CREB5: variants seen among roughly 807,000 people sequenced by gnomAD.
CREB5 encodes the protein cAMP responsive element binding protein 5.
Under a neutral mutation model 57.1 loss-of-function variants are expected in CREB5, and 19 were observed. The observed-to-expected ratio is 0.33, with a 90% CI of 0.23 to 0.49. The LOEUF (loss-of-function observed/expected upper bound fraction) is 0.49, where lower values mean the gene tolerates loss of function less well. Among genes scored for constraint, CREB5 ranks in the 20% least tolerant of loss-of-function variants. CREB5 has a pLI of 0.99. For missense variants in CREB5, 579 were observed against 671.6 expected (o/e 0.86, Z 1.52); for synonymous variants, 238 against 238.3 (o/e 1.00, Z 0.01).
chr7:28,612,615 G>A (rs1477470937), intron 5 of CREB5, among the ~76,000 whole-genome samples: 2 of 149,104 alleles, frequency 1.3e-5, no homozygotes, highest in East Asian at 4.0e-4. Context: ...GCAGACTTGG[G>A]TAATGTAAAA....
In CREB5 at chr7:28,821,403, T is replaced by G. The variant is rs1293617398; in HGVS notation, c.*2124T>G. 1 of 151,488 alleles carries G rather than the reference T, an allele frequency of 6.6e-6. No individual in the cohort carries two copies. The highest frequency in any genetic ancestry group is 2.4e-5 in the African/African-American group (1 of 41,272). The allele number at this position is 151,488 out of a possible 1,614,324, so 9.4% of individuals were successfully genotyped here. A position where few individuals can be genotyped will look rare whatever the true frequency, so the allele number is the denominator to read the frequency against. On this transcript the variant is annotated 3_prime_UTR_variant, in exon 11 of 11. Coordinates refer to ENST00000357727, the MANE Select transcript of CREB5 (RefSeq NM_182898.4). ...GTATGCAGTGCTTTCAAAAGATGGT[T>G]TTGAGTGTCCAGTGAAACTTATGAC...
intron 5 of CREB5, among the ~76,000 whole-genome samples, chr7:28,586,814 C>T (rs886843418): frequency 6.6e-6 from 1 of 152,246 alleles, no homozygotes; most frequent in Admixed American, 6.5e-5. Context: ...AAGAATGGGA[C>T]GTCCCAGCGT....
chr7:28,380,814 C>G lies in CREB5; in HGVS notation c.-25+81373C>G, dbSNP rs1295422912. 4.6e-5 allele frequency among the ~76,000 whole-genome samples: 7 copies of G among 152,274 alleles called. No individual in the cohort carries two copies. The East Asian group carries it at 1.4e-3, about 29-fold the overall frequency. The stretch of plus-strand genomic sequence containing the variant: ...TTGACCTAATGTGTAAACATTTTAC[C>G]TCATGTGTAGAAATAGGGACAATGG... On this transcript the variant is annotated intron_variant, in intron 1 of 9. Coordinates refer to the CREB5 transcript ENST00000396299.
In CREB5 at chr7:28,314,150, C is replaced by T. The variant is rs915989462; in HGVS notation, c.-25+14709C>T. On this transcript the variant is annotated intron_variant, in intron 1 of 9. Coordinates refer to the CREB5 transcript ENST00000396299. The stretch of plus-strand genomic sequence containing the variant: ...GGTATTCACTGCCTTTGAAGTGCAG[C>T]GATCCTGATGTTTCTTGTAGCTATG... Among the ~76,000 whole-genome samples the T allele has an allele frequency of 3.2e-4, 49 of 152,096 alleles. 1 individual carries two copies. Among genetic ancestry groups the T allele is most frequent in the Admixed American group, 2.7e-3 (41 of 15,270 alleles).
intron 1 of CREB5, among the ~76,000 whole-genome samples, chr7:28,407,503 C>T (rs984857724): frequency 6.6e-6 from 1 of 152,192 alleles, no homozygotes; most frequent in African/African-American, 2.4e-5. Flanking sequence ...CTAGAATCTA[C>T]ACTAATAAAT....
intron 4 of CREB5, among the ~76,000 whole-genome samples, chr7:28,560,933 TGTGCGTGCGTGTGTGTGC>T (rs1795194677): frequency 6.1e-5 from 3 of 49,348 alleles, no homozygotes; most frequent in African/African-American, 1.6e-4. Context: ...CGCGTGCGTG[TGTGCGTGCGTGTGTGTGC>T]GTGTGTGTGC....
At chr7:28,594,007 G>A (rs1358618987) in intron 5 of CREB5, among the ~76,000 whole-genome samples, 4 of 152,194 alleles carry the variant, frequency 2.6e-5, no homozygotes, top group Non-Finnish European at 4.4e-5. Flanking sequence ...GTTCCTTCCG[G>A]AGCAGCGGGA....
chr7:28,552,246 C>A (rs2128634394), intron 4 of CREB5, among the ~76,000 whole-genome samples: 1 of 152,296 alleles, frequency 6.6e-6, no homozygotes, highest in East Asian at 1.9e-4. Context: ...CCATGTTGCC[C>A]AGGCAGGTCT....
At chr7:28,317,891 A>G (rs1395609076) in intron 1 of CREB5, among the ~76,000 whole-genome samples, 1 of 152,232 alleles carries the variant, frequency 6.6e-6, no homozygotes, top group Non-Finnish European at 1.5e-5. Flanking sequence ...TGTACCATAG[A>G]GTAGATGGCC....
chr7:28,689,101 T>G (rs1801105736), intron 5 of CREB5, among the ~76,000 whole-genome samples: 1 of 152,182 alleles, frequency 6.6e-6, no homozygotes, highest in South Asian at 2.1e-4. Context: ...TTGTTCTGTT[T>G]CATGGTTTTT....
chr7:28,590,583 C>T lies in CREB5; in HGVS notation c.464+20046C>T, dbSNP rs113347773. Among the ~76,000 whole-genome samples, 815 of 150,294 alleles carry T rather than the reference C, an allele frequency of 5.4e-3. 8 individuals carry two copies. The highest frequency in any genetic ancestry group is 0.019 in the African/African-American group (766 of 40,878). On this transcript the variant is annotated intron_variant, in intron 5 of 10. Coordinates refer to ENST00000357727, the MANE Select transcript of CREB5 (RefSeq NM_182898.4). ...TAGGAGATATACCTAATGTAAATGA[C>T]GAGTTAATGGGTGCAGCACACGAAC...
chr7:28,765,267 T>A (rs527743919), intron 7 of CREB5, among the ~76,000 whole-genome samples: 1 of 152,224 alleles, frequency 6.6e-6, no homozygotes, highest in Non-Finnish European at 1.5e-5. Context: ...TGGTATGATT[T>A]TCTTGAACAC....
chr7:28,349,360 T>G (rs1240874990), intron 1 of CREB5, among the ~76,000 whole-genome samples: 1 of 152,112 alleles, frequency 6.6e-6, no homozygotes, highest in Non-Finnish European at 1.5e-5. Context: ...TAGCTTTCCC[T>G]AATTTTCAAG....
intron 8 of CREB5, among the ~76,000 whole-genome samples, chr7:28,808,327 C>A (rs1260336182): frequency 6.6e-6 from 1 of 152,150 alleles, no homozygotes; most frequent in Non-Finnish European, 1.5e-5. Flanking sequence ...TTCCTGGCTT[C>A]ATGGGCTTCT....
At chr7:28,730,581 AC>A (rs1257037493) in intron 7 of CREB5, among the ~76,000 whole-genome samples, 1 of 152,068 alleles carries the variant, frequency 6.6e-6, no homozygotes, top group Non-Finnish European at 1.5e-5. Context: ...TGGGATGTGA[AC>A]CCAAGCACTG....
At chr7:28,721,043 A>G (rs1371140807) in intron 6 of CREB5, among the ~76,000 whole-genome samples, 3 of 152,176 alleles carry the variant, frequency 2.0e-5, no homozygotes, top group African/African-American at 7.2e-5. Flanking sequence ...GTTCAGCTGC[A>G]TGGTCAAGAG....
chr7:28,414,522 G>A (rs1306857684), intron 1 of CREB5, among the ~76,000 whole-genome samples: 1 of 152,138 alleles, frequency 6.6e-6, no homozygotes, highest in Admixed American at 6.5e-5. Context: ...GTGTGAGGAA[G>A]AAGCACTTTC....
chr7:28,456,581 TA>T (rs1458055960), intron 1 of CREB5, among the ~76,000 whole-genome samples: 1 of 152,236 alleles, frequency 6.6e-6, no homozygotes, highest in Non-Finnish European at 1.5e-5. Flanking sequence ...AGGCTGCTTC[TA>T]AAGACCTTTT....
chr7:28,760,463 T>A (rs188385580), intron 7 of CREB5, among the ~76,000 whole-genome samples: 1 of 152,294 alleles, frequency 6.6e-6, no homozygotes, highest in East Asian at 1.9e-4. Context: ...CCTGCCAAAG[T>A]TTTTTCTTCA....
Sources: gnomAD v4.1 joint callset for allele counts (sites outside exome capture counted in the v4.1 genomes callset) on GRCh38, gnomAD v4.1.1 for gene constraint, MANE v1.5 for transcripts, NCBI Gene and HGNC (gene_info 2026-07-23, HGNC 2026-07-21) for gene names.